COLEC10: variants seen among roughly 807,000 people sequenced by gnomAD.
The protein encoded by COLEC10 is collectin subfamily member 10.
A neutral mutation model predicts 28.4 loss-of-function variants in COLEC10; 22 were observed. The observed-to-expected ratio is 0.78, with a 90% CI of 0.55 to 1.11. The LOEUF (loss-of-function observed/expected upper bound fraction) is 1.11. Ranked by LOEUF, COLEC10 falls within the 50% of genes least tolerant of loss-of-function variation. The pLI is 0.00. For synonymous variants in COLEC10, 125 were observed against 116.1 expected, an observed-to-expected ratio of 1.08 and a Z score of -0.49; for missense variants, 361 against 344.1, an observed-to-expected ratio of 1.05 and a Z score of -0.39.
chr8:119,061,930 A>C (rs1301193845), intron 2 of COLEC10, among the ~76,000 whole-genome samples: 2 of 152,146 alleles, frequency 1.3e-5, no homozygotes, highest in East Asian at 1.9e-4. Context: ...AAACTAATAG[A>C]AGACTTTACA....
chr8:119,084,866 T>TA (rs1286180507), intron 1 of COLEC10, among the ~76,000 whole-genome samples: 5 of 151,752 alleles, frequency 3.3e-5, no homozygotes, highest in Admixed American at 6.6e-5. Context: ...CAATAAAGGG[T>TA]AAAAAAAACA....
chr8:118,963,349 C>T, the COLEC10 span, among the ~76,000 whole-genome samples: 375 of 152,294 alleles, frequency 2.5e-3, 5 homozygotes, highest in African/African-American at 8.4e-3. Flanking sequence ...AGTGTTACTA[C>T]GTAACATGTG....
the COLEC10 span, among the ~76,000 whole-genome samples, chr8:118,990,356 A>T: frequency 1.3e-5 from 2 of 152,202 alleles, no homozygotes; most frequent in Non-Finnish European, 2.9e-5. Context: ...ATTTTTACTT[A>T]CATTGTTTGA....
intron 1 of COLEC10, among the ~76,000 whole-genome samples, chr8:119,072,736 C>A (rs1382074991): frequency 1.3e-5 from 2 of 152,092 alleles, no homozygotes; most frequent in Admixed American, 6.5e-5. Flanking sequence ...GAGCACACAC[C>A]TGAGTGTCAG....
chr8:119,011,868 A>G (rs1813905281), intron 2 of COLEC10, among the ~76,000 whole-genome samples: 1 of 150,962 alleles, frequency 6.6e-6, no homozygotes, highest in South Asian at 2.1e-4. Context: ...CATACTTTTC[A>G]GAGTTTCTAC....
chr8:119,070,134 A>G (rs765968384), intron 1 of COLEC10, among the ~76,000 whole-genome samples: 1 of 152,180 alleles, frequency 6.6e-6, no homozygotes, highest in Non-Finnish European at 1.5e-5. Context: ...ACTGGAGTCA[A>G]TCTGATTATC....
At chr8:118,993,357 AT>A (rs1813536500), upstream of COLEC10, among the ~76,000 whole-genome samples, 1 of 150,938 alleles carries the variant, frequency 6.6e-6, no homozygotes, top group African/African-American at 2.5e-5. Context: ...TTTATGTTTC[AT>A]TTTGTTTTGT....
chr8:119,099,177 A>G lies in COLEC10; in HGVS notation c.293-3171A>G, dbSNP rs556933130. On this transcript the variant is annotated intron_variant, in intron 3 of 5. Transcript: ENST00000332843. ...GTGACCTCTAATTCAACTTTTAGAC[A>G]GTTATTACAGACATGTTCCCACTCA... 4.1e-4 allele frequency among the ~76,000 whole-genome samples: 62 copies of G among 152,178 alleles called. 2 individuals carry two copies. The South Asian group carries it at 4.3e-3, about 11-fold the overall frequency.
chr8:118,990,735 G>A (rs74996864), upstream of COLEC10, among the ~76,000 whole-genome samples: 1 of 151,924 alleles, frequency 6.6e-6, no homozygotes, highest in Non-Finnish European at 1.5e-5. Flanking sequence ...ACCATGAAAG[G>A]AACCACATCA....
chr8:119,051,823 T>C (rs75762417), intron 2 of COLEC10, among the ~76,000 whole-genome samples: 4,418 of 152,258 alleles, frequency 0.029, 122 homozygotes, highest in East Asian at 0.16. Context: ...CTGAATCTAG[T>C]AACAGAGGGT....
chr8:119,084,050 G>C (rs1815419057), intron 1 of COLEC10, among the ~76,000 whole-genome samples: 2 of 152,218 alleles, frequency 1.3e-5, no homozygotes, highest in South Asian at 4.2e-4. Flanking sequence ...ATGCTTGCTT[G>C]CTTTTTATGT....
At chr8:119,079,887 G>A (rs1199299554) in intron 1 of COLEC10, among the ~76,000 whole-genome samples, 1 of 151,898 alleles carries the variant, frequency 6.6e-6, no homozygotes, top group African/African-American at 2.4e-5. Context: ...TCAATGACCT[G>A]GCTTGGACTC....
the COLEC10 span, among the ~76,000 whole-genome samples, chr8:118,984,204 GC>G: frequency 6.6e-6 from 1 of 151,954 alleles, no homozygotes; most frequent in African/African-American, 2.4e-5. Context: ...GGAGCTGGAG[GC>G]CATATCCTAA....
chr8:118,974,580 G>A, the COLEC10 span, among the ~76,000 whole-genome samples: 3 of 151,956 alleles, frequency 2.0e-5, no homozygotes, highest in Admixed American at 2.0e-4. Flanking sequence ...AAATGGAGGG[G>A]TATTGGCATG....
chr8:119,030,050 T>C (rs1197899884), intron 2 of COLEC10, among the ~76,000 whole-genome samples: 1 of 152,170 alleles, frequency 6.6e-6, no homozygotes, highest in Non-Finnish European at 1.5e-5. Flanking sequence ...AAAGCCGAAG[T>C]CCCCTGCAGA....
rs530827326 is a variant in COLEC10, at chr8:119,102,591, C to T, written c.346+190C>T. The T allele has an allele frequency of 1.1e-5, 6 of 527,876 alleles. No homozygotes were observed. In the South Asian group the frequency reaches 1.7e-4, roughly 15 times the overall value. 32.7% of individuals were successfully genotyped at this position (527,876 alleles called of 1,614,324 possible). ...CTGGTGACTTTCCAAGCCTTGGGGACAGGGATGATGACACGTTTCATCCCT... is the reference window on the plus strand; with the variant it reads ...CTGGTGACTTTCCAAGCCTTGGGGATAGGGATGATGACACGTTTCATCCCT... On this transcript the variant is annotated intron_variant, in intron 4 of 5. Transcript: ENST00000332843.
intron 2 of COLEC10, among the ~76,000 whole-genome samples, chr8:119,012,769 T>C (rs1293855875): frequency 6.6e-6 from 1 of 150,442 alleles, no homozygotes; most frequent in African/African-American, 2.5e-5. Context: ...ATTTTTGTAG[T>C]ATTATTTTCT....
intron 1 of COLEC10, among the ~76,000 whole-genome samples, chr8:119,069,706 A>G (rs1178824266): frequency 7.0e-6 from 1 of 141,996 alleles, no homozygotes; most frequent in African/African-American, 2.5e-5. Context: ...GAATACTGTG[A>G]CAACCCCTCC....
chr8:118,975,993 A>T, the COLEC10 span, among the ~76,000 whole-genome samples: 2 of 152,030 alleles, frequency 1.3e-5, no homozygotes, highest in Non-Finnish European at 2.9e-5. Flanking sequence ...ACTCCCTCTC[A>T]TTGTAAGGAG....
Sources: gnomAD v4.1 joint callset for allele counts (sites outside exome capture counted in the v4.1 genomes callset) on GRCh38, gnomAD v4.1.1 for gene constraint, MANE v1.5 for transcripts, NCBI Gene and HGNC (gene_info 2026-07-23, HGNC 2026-07-21) for gene names.